ABCB9: variants seen among roughly 807,000 people sequenced by gnomAD.
ABCB9 encodes the protein ATP binding cassette subfamily B member 9.
ABCB9 carries 36 observed loss-of-function variants against 62.0 expected under a neutral mutation model. The observed-to-expected ratio is 0.58, with a 90% CI of 0.45 to 0.77. ABCB9 has a LOEUF of 0.77. Ranked by LOEUF, ABCB9 falls within the 30% of genes least tolerant of loss-of-function variation. The probability of loss-of-function intolerance (pLI) is 0.00; values close to 1 mark genes in which losing one functional copy is unlikely to be tolerated. For synonymous variants in ABCB9, 435 were observed against 461.4 expected (o/e 0.94, Z 0.73); for missense variants, 943 against 1,054.7 (o/e 0.89, Z 1.47).
intron 10 of ABCB9, among the ~76,000 whole-genome samples, chr12:122,933,444 C>T (rs1263090901): frequency 1.3e-5 from 2 of 152,150 alleles, no homozygotes; most frequent in East Asian, 3.9e-4. Flanking sequence ...ATCCCAGCTA[C>T]TCGGGAGGCC....
At chr12:122,957,392 T>A (rs1007996835) in intron 2 of ABCB9, among the ~76,000 whole-genome samples, 2 of 151,990 alleles carry the variant, frequency 1.3e-5, no homozygotes, top group Non-Finnish European at 2.9e-5. Context: ...ACTCCAACAA[T>A]CCTTGTTGCA....
intron 1 of ABCB9, among the ~76,000 whole-genome samples, chr12:122,971,724 T>A (rs1055097601): frequency 7.2e-5 from 11 of 152,118 alleles, no homozygotes; most frequent in African/African-American, 2.4e-4. Context: ...AGTGCTGGGA[T>A]TACAGGTGTG....
chr12:122,925,858 A>C (rs2034889090), downstream of ABCB9, among the ~76,000 whole-genome samples: 1 of 152,270 alleles, frequency 6.6e-6, no homozygotes. Flanking sequence ...CTATCAACAG[A>C]TGAATGGATA....
At chr12:122,970,328 A>AC (rs1411055774), upstream of ABCB9, among the ~76,000 whole-genome samples, 1 of 150,474 alleles carries the variant, frequency 6.6e-6, no homozygotes, top group African/African-American at 2.5e-5. Flanking sequence ...GCTCACTGCA[A>AC]CCCCCACCTC....
intron 6 of ABCB9, 74 bp downstream of exon 6, chr12:122,945,951 C>T (rs555910512): frequency 1.8e-4 from 259 of 1,477,702 alleles, no homozygotes; most frequent in Admixed American, 3.1e-4. Flanking sequence ...GGACTGATGT[C>T]CTAGATCGAG....
At chr12:122,956,239 G>A (rs1423404031) in intron 2 of ABCB9, among the ~76,000 whole-genome samples, 2 of 152,200 alleles carry the variant, frequency 1.3e-5, no homozygotes, top group East Asian at 1.9e-4. Flanking sequence ...TCTCACCCAT[G>A]TGGATTCACT....
chr12:122,937,804 G>A (rs936818770), intron 9 of ABCB9, among the ~76,000 whole-genome samples: 5 of 152,196 alleles, frequency 3.3e-5, no homozygotes, highest in Admixed American at 6.5e-5. Context: ...TGTTGATGAT[G>A]TAAACGGTGC....
chr12:122,919,246 G>A (rs1051380859), downstream of ABCB9, among the ~76,000 whole-genome samples: 2 of 151,982 alleles, frequency 1.3e-5, no homozygotes, highest in African/African-American at 4.8e-5. Flanking sequence ...ACCATGGTTC[G>A]TTGCAGCCTC....
rs2035406481 is a variant in ABCB9, at chr12:122,935,361, G to T, written c.1814C>A (p.Pro605His). 1 of 1,614,108 alleles carries T rather than the reference G, an allele frequency of 6.2e-7. No homozygotes were observed. The highest frequency in any genetic ancestry group is 8.5e-7 in the Non-Finnish European group (1 of 1,180,026). ...CACCACCATCTCGAAAGGCACAGTGGGCAGGCCGTAGGAGATGTTATCCGT... is the reference window on the plus strand; with the variant it reads ...CACCACCATCTCGAAAGGCACAGTGTGCAGGCCGTAGGAGATGTTATCCGT... ...SITDNISYGL[P>H]TVPFEMVVEA... Residue 605 changes from proline to histidine, a missense_variant, in exon 10 of 12, where the codon CCC becomes CAC. Physicochemically the swap from Pro to His is moderately conservative, Grantham distance 77 (BLOSUM62 -2). Coordinates refer to ENST00000280560, the MANE Select transcript of ABCB9 (RefSeq NM_019625.4).
At chr12:122,953,469 C>A (rs1394232165) in intron 2 of ABCB9, among the ~76,000 whole-genome samples, 2 of 152,120 alleles carry the variant, frequency 1.3e-5, no homozygotes, top group Non-Finnish European at 2.9e-5. Context: ...CTCGCTGTAA[C>A]CTCTGCCACC....
In ABCB9 at chr12:122,960,311, G is replaced by A. The variant is rs1466170132; in HGVS notation, c.-76C>T. On this transcript the variant is annotated 5_prime_UTR_variant, in exon 2 of 12. Transcript: ENST00000280560. The stretch of plus-strand genomic sequence containing the variant: ...GGGCAAGGCCATCATCATCCACAGG[G>A]CGAGGCCAGGCCTGTAGGGACAACA... The A allele has an allele frequency of 2.0e-6, 3 of 1,534,132 alleles. No homozygotes were observed. The highest frequency in any genetic ancestry group is 2.6e-6 in the Non-Finnish European group (3 of 1,138,704).
At chr12:122,935,715 C>T (rs911036414) in intron 9 of ABCB9, among the ~76,000 whole-genome samples, 1 of 152,160 alleles carries the variant, frequency 6.6e-6, no homozygotes, top group Non-Finnish European at 1.5e-5. Flanking sequence ...CACTGGCCAT[C>T]CCTGTCCTGA....
At chr12:122,962,859 G>A (rs2036979011) in intron 1 of ABCB9, among the ~76,000 whole-genome samples, 1 of 152,208 alleles carries the variant, frequency 6.6e-6, no homozygotes, top group Admixed American at 6.5e-5. Context: ...AACAGATGGA[G>A]AAACTGAGGC....
At chr12:122,962,019 A>G (rs2036932739) in intron 1 of ABCB9, among the ~76,000 whole-genome samples, 1 of 152,232 alleles carries the variant, frequency 6.6e-6, no homozygotes, top group African/African-American at 2.4e-5. Flanking sequence ...CTTGCAGGCC[A>G]CACAGCAATC....
At position 122,940,201 on chromosome 12, in the gene ABCB9, G is replaced by A. The variant is rs1206838102; in HGVS notation, c.1653C>T (p.Ile551=). ...CCTCCAGGGGGTAGAAGTTCTCCAG[G>A]ATGTTGACACAGGAGCTCTTCCCAC... The part of the protein sequence containing the change: ...SGSGKSSCVN[I]LENFYPLEGG... The change falls in exon 9 of 12, where the codon ATC becomes ATT. Residue 551 remains isoleucine, a synonymous_variant. Transcript: ENST00000280560. This position sits in a 1 kb window ranked among gnomAD's most constrained non-coding sequence, Gnocchi z 4.8. 10 of 1,613,620 alleles carry A rather than the reference G, an allele frequency of 6.2e-6. No homozygotes were observed. The highest frequency in any genetic ancestry group is 8.5e-6 in the Non-Finnish European group (10 of 1,179,844).
At chr12:122,962,903 A>G (rs975077608) in intron 1 of ABCB9, among the ~76,000 whole-genome samples, 1 of 152,222 alleles carries the variant, frequency 6.6e-6, no homozygotes, top group South Asian at 2.1e-4. Context: ...AAGATTACAC[A>G]GCTTCTGAAT....
intron 9 of ABCB9, among the ~76,000 whole-genome samples, chr12:122,939,104 G>A (rs1161429397): frequency 2.6e-5 from 4 of 151,998 alleles, no homozygotes; most frequent in Admixed American, 6.6e-5. Context: ...CCCGGGAGGC[G>A]GAGGCTGCAG....
At chr12:122,931,443 G>C (rs777763884) in intron 11 of ABCB9, 3 of 150,942 alleles carry the variant, frequency 2.0e-5, no homozygotes, top group Non-Finnish European at 4.4e-5. Context: ...TCCTGCCTCA[G>C]CCTCCCGAGT....
intron 10 of ABCB9, among the ~76,000 whole-genome samples, chr12:122,934,236 A>C (rs1191320735): frequency 6.6e-6 from 1 of 152,220 alleles, no homozygotes; most frequent in Non-Finnish European, 1.5e-5. Context: ...CGACAGAGTG[A>C]GACTGTCTCA....
Sources: gnomAD v4.1 joint callset for allele counts (sites outside exome capture counted in the v4.1 genomes callset) on GRCh38, gnomAD v4.1.1 for gene constraint, Gnocchi (gnomAD v3.1) non-coding constraint, MANE v1.5 for transcripts, NCBI Gene and HGNC (gene_info 2026-07-23, HGNC 2026-07-21) for gene names.